Variants in GRHL2 observed in about 807,000 individuals in gnomAD.
GRHL2 encodes the protein grainyhead like transcription factor 2.
Under a neutral mutation model 83.8 loss-of-function variants are expected in GRHL2, and 21 were observed. That is an observed-to-expected ratio of 0.25 (90% CI 0.18 to 0.36). GRHL2 has a LOEUF of 0.36. GRHL2 is among the 10% of genes least tolerant of loss of function. GRHL2 has a pLI of 1.00. For synonymous variants in GRHL2, 280 were observed against 278.9 expected (o/e 1.00, Z -0.04); for missense variants, 623 against 781.8 (o/e 0.80, Z 2.42).
chr8:101,530,574 T>C (rs2130079417), intron 1 of GRHL2, among the ~76,000 whole-genome samples: 1 of 152,358 alleles, frequency 6.6e-6, no homozygotes, highest in South Asian at 2.1e-4. Context: ...CTGCAGGACA[T>C]TTAAAAATAG....
Position 101,666,910 on chromosome 8 carries a change from G to C in GRHL2, c.*207G>C, listed in dbSNP as rs1814076613. On this transcript the variant is annotated 3_prime_UTR_variant, in exon 16 of 16. Coordinates refer to ENST00000646743, the MANE Select transcript of GRHL2 (RefSeq NM_024915.4). The stretch of plus-strand genomic sequence containing the variant: ...GGCACCTACCACGGAGCTGAAGCCT[G>C]AGCCCCTCAGGAAGGTGCCTTAGGC... 3 of 629,392 alleles carry C rather than the reference G, an allele frequency of 4.8e-6. No homozygotes were observed. The highest frequency in any genetic ancestry group is 8.6e-6 in the Non-Finnish European group (3 of 349,782). 39.0% of individuals were successfully genotyped at this position (629,392 alleles called of 1,614,324 possible).
In GRHL2 at chr8:101,581,819, G is replaced by A. The variant is rs548609333; in HGVS notation, c.1003+4300G>A. ...GTGGTAAGTGGCAGCATAGAAGAGC[G>A]CTTCCCAGAGAAGTTTCTGAGACTC... On this transcript the variant is annotated intron_variant, in intron 7 of 15. Coordinates refer to ENST00000646743, the MANE Select transcript of GRHL2 (RefSeq NM_024915.4). Among the ~76,000 whole-genome samples the A allele has an allele frequency of 3.2e-4, 48 of 152,270 alleles. 1 individual carries two copies. The highest frequency in any genetic ancestry group is 8.3e-4 in the South Asian group (4 of 4,822).
chr8:101,675,523 A>T, the GRHL2 span, among the ~76,000 whole-genome samples: 2 of 152,052 alleles, frequency 1.3e-5, no homozygotes, highest in East Asian at 3.9e-4. Flanking sequence ...GACCTCTTCA[A>T]GGAGAACTAC....
intron 1 of GRHL2, chr8:101,529,001 C>A: frequency 5.3e-6 from 2 of 378,496 alleles, no homozygotes; most frequent in Non-Finnish European, 1.0e-5. Context: ...ATTCTCTCTC[C>A]CTGTGGTATT....
At chr8:101,586,729 G>A (rs897692958) in intron 7 of GRHL2, among the ~76,000 whole-genome samples, 3 of 152,128 alleles carry the variant, frequency 2.0e-5, no homozygotes, top group Non-Finnish European at 4.4e-5. Context: ...TTGCATAATC[G>A]ATGAGCACAC....
intron 1 of GRHL2, among the ~76,000 whole-genome samples, chr8:101,512,879 G>T (rs765131612): frequency 2.4e-4 from 37 of 152,134 alleles, no homozygotes; most frequent in Non-Finnish European, 4.0e-4. Flanking sequence ...CCGTTTCGTA[G>T]GCTAAAGGTC....
intron 11 of GRHL2, among the ~76,000 whole-genome samples, chr8:101,632,896 A>G (rs1260990742): frequency 6.6e-6 from 1 of 152,254 alleles, no homozygotes; most frequent in Non-Finnish European, 1.5e-5. Context: ...TCTTCTAGTT[A>G]TATCTACAAG....
intron 6 of GRHL2, among the ~76,000 whole-genome samples, chr8:101,576,606 G>A (rs1319432816): frequency 6.6e-6 from 1 of 152,172 alleles, no homozygotes; most frequent in Non-Finnish European, 1.5e-5. Context: ...GATGTGGAGT[G>A]AGAGGAGGAG....
chr8:101,561,689 A>G (rs1272396810), intron 4 of GRHL2, among the ~76,000 whole-genome samples: 4 of 152,222 alleles, frequency 2.6e-5, no homozygotes, highest in Admixed American at 2.0e-4. Context: ...AATTTTTGCC[A>G]TTAGTTATTG....
intron 7 of GRHL2, among the ~76,000 whole-genome samples, chr8:101,586,820 G>C (rs1352526607): frequency 6.6e-6 from 1 of 152,146 alleles, no homozygotes; most frequent in Non-Finnish European, 1.5e-5. Context: ...TCTGACTGGG[G>C]TTGGACTCTC....
At chr8:101,576,947 T>C (rs948641314) in intron 6 of GRHL2, among the ~76,000 whole-genome samples, 3 of 152,198 alleles carry the variant, frequency 2.0e-5, no homozygotes, top group African/African-American at 7.2e-5. Context: ...TTTTTCTCAT[T>C]AATTTTGATA....
intron 13 of GRHL2, 113 bp downstream of exon 13, chr8:101,644,338 T>G (rs1470474190): frequency 1.3e-6 from 1 of 791,314 alleles, no homozygotes; most frequent in Non-Finnish European, 2.2e-6. Context: ...GCCTGGTGAC[T>G]TTCTCTTCAC....
At chr8:101,567,704 G>A (rs539810704) in intron 4 of GRHL2, among the ~76,000 whole-genome samples, 1 of 152,314 alleles carries the variant, frequency 6.6e-6, no homozygotes, top group East Asian at 1.9e-4. Context: ...ATGCATTGAA[G>A]TGGGATTCTG....
intron 14 of GRHL2, among the ~76,000 whole-genome samples, chr8:101,657,995 G>A (rs1432845286): frequency 1.3e-5 from 2 of 152,184 alleles, no homozygotes; most frequent in Non-Finnish European, 1.5e-5. Context: ...TGGGCAGAAG[G>A]AATTTTCTGC....
At chr8:101,641,803 C>A (rs1254264007) in intron 12 of GRHL2, among the ~76,000 whole-genome samples, 1 of 152,124 alleles carries the variant, frequency 6.6e-6, no homozygotes, top group Non-Finnish European at 1.5e-5. Context: ...GGACCGCCCA[C>A]GGATACCAAA....
downstream of GRHL2, among the ~76,000 whole-genome samples, chr8:101,673,313 C>T (rs893734259): frequency 9.2e-5 from 14 of 151,960 alleles, no homozygotes; most frequent in Admixed American, 3.3e-4. Context: ...ACCCATCTCA[C>T]GTGCAGAGAC....
At chr8:101,602,437 C>T (rs892666264) in intron 8 of GRHL2, among the ~76,000 whole-genome samples, 6 of 152,108 alleles carry the variant, frequency 3.9e-5, no homozygotes, top group African/African-American at 1.4e-4. Context: ...CTTTCAGTAT[C>T]ACATGATATT....
chr8:101,661,130 T>C (rs1162380804), intron 14 of GRHL2, among the ~76,000 whole-genome samples: 1 of 151,918 alleles, frequency 6.6e-6, no homozygotes, highest in Non-Finnish European at 1.5e-5. Flanking sequence ...ATTATGAATA[T>C]TTTTTTGCAA....
chr8:101,619,805 C>A (rs548277409), intron 9 of GRHL2, 108 bp downstream of exon 9: 25 of 808,528 alleles, frequency 3.1e-5, no homozygotes, highest in Non-Finnish European at 4.1e-5. Flanking sequence ...TCAAAATATT[C>A]ACTTTACTCA....
Sources: gnomAD v4.1 joint callset for allele counts (sites outside exome capture counted in the v4.1 genomes callset) on GRCh38, gnomAD v4.1.1 for gene constraint, MANE v1.5 for transcripts, NCBI Gene and HGNC (gene_info 2026-07-23, HGNC 2026-07-21) for gene names.